Variants in ASIC2 observed in about 807,000 individuals in gnomAD.
The protein encoded by ASIC2 is acid sensing ion channel subunit 2.
ASIC2 carries 25 observed loss-of-function variants against 57.3 expected under a neutral mutation model. The ratio of observed to expected loss-of-function variants is 0.44; its 90% CI spans 0.32 to 0.61. The LOEUF is 0.61. Among genes scored for constraint, ASIC2 ranks in the 20% least tolerant of loss-of-function variants. The probability of loss-of-function intolerance (pLI) is 0.06; values close to 1 mark genes in which losing one functional copy is unlikely to be tolerated. For missense variants in ASIC2, 641 were observed against 738.1 expected (o/e 0.87, Z 1.52); for synonymous variants, 319 against 307.5 (o/e 1.04, Z -0.39).
In ASIC2 at chr17:33,826,894, T is replaced by A. The variant is rs563128460; in HGVS notation, c.555+329084A>T. 3.3e-5 allele frequency among the ~76,000 whole-genome samples: 5 copies of A among 152,300 alleles called. No homozygotes were observed. In the South Asian group the frequency reaches 6.2e-4, roughly 19 times the overall value. ...ATACTCCAAGCAATTAGGAGAACAT[T>A]ATAAGATAATATATAATTAGGTACT... On this transcript the variant is annotated intron_variant, in intron 1 of 9. Coordinates refer to the ASIC2 transcript ENST00000359872.
chr17:33,773,836 T>A (rs1911188892), intron 1 of ASIC2, among the ~76,000 whole-genome samples: 2 of 151,638 alleles, frequency 1.3e-5, no homozygotes, highest in African/African-American at 4.9e-5. Context: ...AATTTTATTA[T>A]TATTTTTTTT....
intron 1 of ASIC2, among the ~76,000 whole-genome samples, chr17:33,417,665 TGAG>T (rs944758501): frequency 3.3e-5 from 5 of 152,164 alleles, no homozygotes; most frequent in African/African-American, 1.2e-4. Context: ...TGCTGGTTGT[TGAG>T]GAGGACATCT....
At chr17:33,935,686 T>C (rs1916042793) in intron 1 of ASIC2, 2 of 152,088 alleles carry the variant, frequency 1.3e-5, no homozygotes, top group African/African-American at 2.4e-5. Flanking sequence ...AGGGTATAAA[T>C]CCCTCTCCTG....
intron 1 of ASIC2, among the ~76,000 whole-genome samples, chr17:33,120,178 C>T (rs185146617): frequency 3.3e-5 from 5 of 152,258 alleles, no homozygotes; most frequent in African/African-American, 4.8e-5. Flanking sequence ...GGTAACGTGA[C>T]CCCCTTCTCC....
At chr17:33,543,711 T>C (rs574367594) in intron 1 of ASIC2, among the ~76,000 whole-genome samples, 11 of 152,278 alleles carry the variant, frequency 7.2e-5, no homozygotes, top group African/African-American at 2.6e-4. Flanking sequence ...CTCAATAAAG[T>C]CTTATTACAC....
intron 1 of ASIC2, among the ~76,000 whole-genome samples, chr17:33,512,917 A>C (rs1217826906): frequency 6.6e-6 from 1 of 152,244 alleles, no homozygotes. Context: ...ACTCTGTGCA[A>C]ACTGGAAACC....
At chr17:33,927,914 T>C (rs1597933805) in intron 1 of ASIC2, among the ~76,000 whole-genome samples, 2 of 152,306 alleles carry the variant, frequency 1.3e-5, no homozygotes, top group Non-Finnish European at 2.9e-5. Flanking sequence ...ATGGGTTGAC[T>C]CACACACAAA....
chr17:33,614,259 C>T (rs1400085163), intron 1 of ASIC2, among the ~76,000 whole-genome samples: 1 of 152,182 alleles, frequency 6.6e-6, no homozygotes, highest in African/African-American at 2.4e-5. Flanking sequence ...ATAAATGAAA[C>T]AGAAAACAAT....
chr17:33,103,140 G>T (rs1229652942), intron 2 of ASIC2, among the ~76,000 whole-genome samples: 1 of 152,116 alleles, frequency 6.6e-6, no homozygotes, highest in Non-Finnish European at 1.5e-5. Flanking sequence ...AGCATCCTAT[G>T]CTTGTGGTTA....
At chr17:33,254,037 C>A (rs1258883426) in intron 1 of ASIC2, among the ~76,000 whole-genome samples, 2 of 152,174 alleles carry the variant, frequency 1.3e-5, no homozygotes, top group African/African-American at 2.4e-5. Flanking sequence ...GAACCTATTT[C>A]TTGATGCAAG....
At chr17:33,879,080 C>A (rs1914629290) in intron 1 of ASIC2, among the ~76,000 whole-genome samples, 1 of 152,100 alleles carries the variant, frequency 6.6e-6, no homozygotes, top group African/African-American at 2.4e-5. Flanking sequence ...CACCACCAGG[C>A]CTGCCCTAAA....
intron 1 of ASIC2, among the ~76,000 whole-genome samples, chr17:33,187,941 AAG>A (rs1906267530): frequency 6.6e-6 from 1 of 151,700 alleles, no homozygotes; most frequent in Non-Finnish European, 1.5e-5. Context: ...AAAGAAAAAA[AAG>A]AAAAAACAGA....
In ASIC2 at chr17:33,111,966, G is replaced by A; in HGVS notation, c.810C>T (p.Ile270=). The change falls in exon 2 of 10, where the codon ATC becomes ATT. Residue 270 remains isoleucine, a synonymous_variant. Coordinates refer to ENST00000225823, the MANE Select transcript of ASIC2 (RefSeq NM_183377.2). ...VKGGTGNGLE[I]MLDIQQDEYL... ...ACTCATCCTGCTGAATGTCCAGCAT[G>A]ATCTCCAGCCCGTTGCCTGTCCCCC... is the stretch of plus-strand genomic sequence containing the variant. 6.2e-7 allele frequency: 1 copy of A among 1,614,042 alleles called. No individual in the cohort carries two copies. Among genetic ancestry groups the A allele is most frequent in the Non-Finnish European group, 8.5e-7 (1 of 1,179,990 alleles).
At position 33,088,868 on chromosome 17, in the gene ASIC2, G is replaced by C. The variant is rs755029202; in HGVS notation, c.982C>G (p.Gln328Glu). ...GFQTFVATQE[Q>E]RLTYLPPPWG... is the part of the protein sequence containing the mutation. The stretch of plus-strand genomic sequence containing the variant: ...TGGGAGCCCAGGGAACTTACCCTCT[G>C]CTCCTGTGTGGCCACAAAGGTCTGG... The change falls in exon 3 of 10, where the codon CAG becomes GAG. Residue 328 changes from glutamine to glutamate, a missense_variant. Gln to Glu is a conservative substitution (Grantham distance 29). Coordinates refer to ENST00000225823, the MANE Select transcript of ASIC2 (RefSeq NM_183377.2). The C allele has an allele frequency of 6.2e-7, 1 of 1,611,992 alleles. No homozygotes were observed. Among genetic ancestry groups the C allele is most frequent in the Non-Finnish European group, 8.5e-7 (1 of 1,179,144 alleles).
chr17:33,112,999 C>G (rs1177575856), intron 1 of ASIC2, among the ~76,000 whole-genome samples: 2 of 152,176 alleles, frequency 1.3e-5, no homozygotes, highest in East Asian at 3.9e-4. Flanking sequence ...CCAGCAGCAT[C>G]CACTGGAAGG....
chr17:33,061,892 G>A (rs995384224), intron 3 of ASIC2, among the ~76,000 whole-genome samples: 2 of 152,198 alleles, frequency 1.3e-5, no homozygotes, highest in African/African-American at 4.8e-5. Flanking sequence ...AGTCTCAGAA[G>A]GGTGTATGTG....
intron 1 of ASIC2, among the ~76,000 whole-genome samples, chr17:33,574,561 C>T (rs565126817): frequency 3.3e-5 from 5 of 152,198 alleles, no homozygotes; most frequent in Non-Finnish European, 4.4e-5. Context: ...AGCAAATTCT[C>T]TCCCACAACA....
intron 1 of ASIC2, among the ~76,000 whole-genome samples, chr17:33,473,106 G>A (rs1913108578): frequency 6.6e-6 from 1 of 152,220 alleles, no homozygotes; most frequent in African/African-American, 2.4e-5. Context: ...TTTGGCTCCT[G>A]CTGGCTTTGA....
intron 1 of ASIC2, among the ~76,000 whole-genome samples, chr17:33,790,816 G>C (rs989069552): frequency 7.2e-5 from 11 of 152,112 alleles, no homozygotes; most frequent in African/African-American, 2.2e-4. Flanking sequence ...AACAATATTA[G>C]AATCTCATAC....
Sources: gnomAD v4.1 joint callset for allele counts (sites outside exome capture counted in the v4.1 genomes callset) on GRCh38, gnomAD v4.1.1 for gene constraint, MANE v1.5 for transcripts, NCBI Gene and HGNC (gene_info 2026-07-23, HGNC 2026-07-21) for gene names.